The following URI1 variants were observed in gnomAD, a reference collection of about 807,000 sequenced individuals.
The protein encoded by URI1 is unconventional prefoldin RPB5 interactor 1.
URI1 carries 39 observed loss-of-function variants against 60.2 expected under a neutral mutation model. The observed-to-expected ratio is 0.65, with a 90% CI of 0.50 to 0.85. The LOEUF is 0.85. Ranked by LOEUF, URI1 falls within the 40% of genes least tolerant of loss-of-function variation. URI1 has a pLI of 0.00. For missense variants in URI1, 691 were observed against 665.9 expected, an observed-to-expected ratio of 1.04 and a Z score of -0.42; for synonymous variants, 251 against 236.8, an observed-to-expected ratio of 1.06 and a Z score of -0.55.
intron 1 of URI1, among the ~76,000 whole-genome samples, chr19:29,955,046 T>C (rs2055227417): frequency 6.6e-6 from 1 of 151,714 alleles, no homozygotes; most frequent in Non-Finnish European, 1.5e-5. Context: ...GCTCTGTTGC[T>C]CAGGCTGGAG....
At chr19:29,965,253 T>C (rs558622244) in intron 1 of URI1, among the ~76,000 whole-genome samples, 1 of 152,306 alleles carries the variant, frequency 6.6e-6, no homozygotes, top group African/African-American at 2.4e-5. Context: ...CCTCTCCCTT[T>C]ATTGTGGCTA....
intron 6 of URI1, 35 bp downstream of exon 6, chr19:30,005,743 A>G (rs903232093): frequency 6.4e-7 from 1 of 1,572,902 alleles, no homozygotes; most frequent in Non-Finnish European, 8.6e-7. Flanking sequence ...GTAGCTGTTT[A>G]GATATTTTGA....
chr19:29,923,993 A>G (rs938959087), intron 1 of URI1, among the ~76,000 whole-genome samples: 1 of 152,132 alleles, frequency 6.6e-6, no homozygotes, highest in Non-Finnish European at 1.5e-5. Flanking sequence ...AGCTGATGGT[A>G]TCATTCAGTT....
chr19:29,984,962 A>T (rs2055644447), intron 2 of URI1, among the ~76,000 whole-genome samples: 2 of 151,778 alleles, frequency 1.3e-5, no homozygotes, highest in African/African-American at 4.8e-5. Flanking sequence ...TCTACTGAAA[A>T]TACAAAAACT....
Position 29,942,684 on chromosome 19 carries a change from C to G in URI1, c.117+20C>G, listed in dbSNP as rs752667629. ...GAAAAGGTAACTAGCAGCCCCGCGC[C>G]GCTTCCGCCTCCGCCCGCCGGGCTG... On this transcript the variant is annotated intron_variant, in intron 1 of 10. Coordinates refer to ENST00000392271, the MANE Select transcript of URI1 (RefSeq NM_003796.3). 2.2e-4 allele frequency: 301 copies of G among 1,377,090 alleles called. No individual in the cohort carries two copies. The highest frequency in any genetic ancestry group is 2.7e-4 in the Non-Finnish European group (289 of 1,067,530). The allele number at this position is 1,377,090 out of a possible 1,614,324, so 85.3% of individuals were successfully genotyped here.
At chr19:29,991,278 CTTCT>C (rs1438523794) in intron 4 of URI1, among the ~76,000 whole-genome samples, 1 of 152,018 alleles carries the variant, frequency 6.6e-6, no homozygotes, top group Admixed American at 6.6e-5. Context: ...GTATTTAGGA[CTTCT>C]TTAATCAGTT....
At chr19:29,995,449 T>G (rs1458449062) in intron 4 of URI1, among the ~76,000 whole-genome samples, 1 of 152,120 alleles carries the variant, frequency 6.6e-6, no homozygotes, top group African/African-American at 2.4e-5. Flanking sequence ...TGTAGTTCTT[T>G]ATATATTCTG....
Position 29,974,018 on chromosome 19 carries a change from T to C in URI1, c.152+2791T>C, listed in dbSNP as rs2055491188. ...TTGGTCCACTAGTGGCTGATTATTT[T>C]GTTTGTGGATTATTTGTAATTTTCT... On this transcript the variant is annotated intron_variant, in intron 2 of 10. Coordinates refer to ENST00000392271, the MANE Select transcript of URI1 (RefSeq NM_003796.3). Among the ~76,000 whole-genome samples, 3 of 152,176 alleles carry C rather than the reference T, an allele frequency of 2.0e-5. No homozygotes were observed. In the South Asian group the frequency reaches 6.2e-4, roughly 32 times the overall value.
chr19:29,998,720 T>C (rs565680177), intron 4 of URI1, among the ~76,000 whole-genome samples: 38 of 152,316 alleles, frequency 2.5e-4, no homozygotes, highest in African/African-American at 8.7e-4. Flanking sequence ...GAGTCTCTTA[T>C]AGACAGTATA....
Position 30,009,111 on chromosome 19 carries a change from C to G in URI1, c.793C>G (p.His265Asp). 6.2e-7 allele frequency: 1 copy of G among 1,614,008 alleles called. No homozygotes were observed. Among genetic ancestry groups the G allele is most frequent in the Non-Finnish European group, 8.5e-7 (1 of 1,179,962 alleles). ...TGCGATGCATCAAGTAACAGACTCTCATACTCCTTGTCATAAGGATGTTGC... is the reference window on the plus strand; with the variant it reads ...TGCGATGCATCAAGTAACAGACTCTGATACTCCTTGTCATAAGGATGTTGC... ...VNAMHQVTDS[H>D]TPCHKDVASS... The change falls in exon 8 of 11, where the codon CAT (histidine) becomes GAT (aspartate). Residue 265 changes from histidine to aspartate, a missense_variant. His to Asp is a moderately conservative substitution (Grantham distance 81, BLOSUM62 -1). Coordinates refer to ENST00000392271, the MANE Select transcript of URI1 (RefSeq NM_003796.3).
chr19:29,973,112 A>C (rs565766155), intron 2 of URI1, among the ~76,000 whole-genome samples: 2 of 152,100 alleles, frequency 1.3e-5, no homozygotes, highest in Non-Finnish European at 2.9e-5. Flanking sequence ...ATTTCCCTGA[A>C]AGCAAGGAAA....
chr19:29,964,396 TGTGATTTGA>T (rs1466180087), intron 1 of URI1, among the ~76,000 whole-genome samples: 1 of 152,092 alleles, frequency 6.6e-6, no homozygotes, highest in African/African-American at 2.4e-5. Context: ...AGTGATTTAG[TGTGATTTGA>T]GATTTTTACT....
upstream of URI1, among the ~76,000 whole-genome samples, chr19:29,939,705 C>G (rs891365411): frequency 2.0e-5 from 3 of 152,202 alleles, no homozygotes; most frequent in African/African-American, 4.8e-5. Flanking sequence ...ATTATTTGAA[C>G]TGAGGCCTGA....
intron 4 of URI1, among the ~76,000 whole-genome samples, chr19:29,986,875 A>C (rs1176667312): frequency 6.6e-6 from 1 of 152,176 alleles, no homozygotes; most frequent in Non-Finnish European, 1.5e-5. Flanking sequence ...TTTGGAAAAA[A>C]AACCATATTT....
chr19:29,926,946 C>T (rs2054873363), intron 1 of URI1, among the ~76,000 whole-genome samples: 1 of 152,160 alleles, frequency 6.6e-6, no homozygotes, highest in Non-Finnish European at 1.5e-5. Context: ...TCTGGCTCTG[C>T]CTGGGAGCTT....
intron 1 of URI1, among the ~76,000 whole-genome samples, chr19:29,943,657 G>A (rs2055061506): frequency 6.6e-6 from 1 of 151,904 alleles, no homozygotes; most frequent in African/African-American, 2.4e-5. Flanking sequence ...TACTAGATGG[G>A]GGTTTTGATA....
chr19:29,999,958 CAT>C (rs1458517105), intron 4 of URI1, among the ~76,000 whole-genome samples: 3 of 143,490 alleles, frequency 2.1e-5, no homozygotes, highest in Non-Finnish European at 4.6e-5. Context: ...CAGTGGTTGG[CAT>C]ATCCTGTTTT....
At position 29,975,627 on chromosome 19, in the gene URI1, C is replaced by T. The variant is rs574287089; in HGVS notation, c.152+4400C>T. 4.6e-5 allele frequency among the ~76,000 whole-genome samples: 7 copies of T among 151,822 alleles called. No homozygotes were observed. The South Asian group carries it at 8.3e-4, about 18-fold the overall frequency. Reference sequence around the variant, plus strand: ...CAAGCTATTCTCCTGACTCAGCCTCCGAAGTAGCTGAGATTACAGGCGCGT... The same window carrying T: ...CAAGCTATTCTCCTGACTCAGCCTCTGAAGTAGCTGAGATTACAGGCGCGT... On this transcript the variant is annotated intron_variant, in intron 2 of 10. Coordinates refer to ENST00000392271, the MANE Select transcript of URI1 (RefSeq NM_003796.3).
At position 29,942,555 on chromosome 19, in the gene URI1, C is replaced by G; in HGVS notation, c.8C>G (p.Ala3Gly). The G allele has an allele frequency of 7.1e-7, 1 of 1,415,104 alleles. No individual in the cohort carries two copies. Among genetic ancestry groups the G allele is most frequent in the South Asian group, 1.4e-5 (1 of 69,730 alleles). 87.7% of individuals were successfully genotyped at this position (1,415,104 alleles called of 1,614,324 possible). A position where few individuals can be genotyped will look rare whatever the true frequency, so the allele number is the denominator to read the frequency against. The stretch of plus-strand genomic sequence containing the variant: ...GAGGCCCGCGGGCCCGTCATGGAGG[C>G]GCCCACCGTGGAGACGCCCCCCGAC... ME[A>G]PTVETPPDPS... The change falls in exon 1 of 11, where the codon GCG (alanine) becomes GGG (glycine). Residue 3 changes from alanine (A) to glycine (G), a missense_variant. Coordinates refer to ENST00000392271, the MANE Select transcript of URI1 (RefSeq NM_003796.3).
Sources: gnomAD v4.1 joint callset for allele counts (sites outside exome capture counted in the v4.1 genomes callset) on GRCh38, gnomAD v4.1.1 for gene constraint, MANE v1.5 for transcripts, NCBI Gene and HGNC (gene_info 2026-07-23, HGNC 2026-07-21) for gene names.